Variants in KCNN2 observed in about 807,000 individuals in gnomAD.
The protein encoded by KCNN2 is small conductance calcium-activated potassium channel protein 2.
Under a neutral mutation model 55.5 loss-of-function variants are expected in KCNN2, and 24 were observed. The observed-to-expected ratio is 0.43, with a 90% CI of 0.31 to 0.61. KCNN2 has a LOEUF of 0.61. Ranked by LOEUF, KCNN2 falls within the 20% of genes least tolerant of loss-of-function variation. The pLI, the probability that KCNN2 is intolerant of heterozygous loss-of-function variation, is 0.08. For missense variants in KCNN2, 754 were observed against 853.6 expected, an observed-to-expected ratio of 0.88 and a Z score of 1.45; for synonymous variants, 431 against 336.1, an observed-to-expected ratio of 1.28 and a Z score of -3.09.
intron 3 of KCNN2, among the ~76,000 whole-genome samples, chr5:114,405,178 G>A (rs998801585): frequency 6.6e-6 from 1 of 152,188 alleles, no homozygotes; most frequent in Admixed American, 6.5e-5. Context: ...GTAATATTGA[G>A]TCATTTCTGT....
rs73782231 is a variant in KCNN2 at position 114,401,328 on chromosome 5, T to G, written c.1219-3110T>G. ...TGGACTCTATGGAACTGCAAAATTA[T>G]GCTGCTGCAATGACTTATTATTTAG... is the stretch of plus-strand genomic sequence containing the variant. On this transcript the variant is annotated intron_variant, in intron 2 of 7. Transcript: ENST00000673685. 1.4e-3 allele frequency among the ~76,000 whole-genome samples: 210 copies of G among 152,334 alleles called. 2 individuals carry two copies. The highest frequency in any genetic ancestry group is 4.9e-3 in the African/African-American group (203 of 41,578).
In KCNN2 at chr5:114,368,546, A is replaced by G. The variant is rs181843418; in HGVS notation, c.1218+4545A>G. On this transcript the variant is annotated intron_variant, in intron 2 of 7. Coordinates refer to ENST00000673685, the MANE Select transcript of KCNN2 (RefSeq NM_021614.4). ...TTTGCTATGTGAAGGCTCAAGTCTGAAGAAGAAAGACAGAGTGTTCCCTTT... is the reference window on the plus strand; with the variant it reads ...TTTGCTATGTGAAGGCTCAAGTCTGGAGAAGAAAGACAGAGTGTTCCCTTT... Among the ~76,000 whole-genome samples the G allele has an allele frequency of 7.9e-4, 121 of 152,276 alleles. 1 individual carries two copies. Among genetic ancestry groups the G allele is most frequent in the African/African-American group, 2.3e-3 (94 of 41,554 alleles).
intron 1 of KCNN2, among the ~76,000 whole-genome samples, chr5:114,200,934 G>A (rs1302255787): frequency 1.3e-5 from 2 of 152,038 alleles, no homozygotes; most frequent in African/African-American, 4.8e-5. Flanking sequence ...CCTGTTTTTA[G>A]GCTCAGAGGA....
At chr5:114,424,150 T>G (rs1759549905) in intron 3 of KCNN2, among the ~76,000 whole-genome samples, 1 of 152,234 alleles carries the variant, frequency 6.6e-6, no homozygotes, top group South Asian at 2.1e-4. Context: ...TCTTAAATAC[T>G]TTGACTTACC....
chr5:114,153,551 T>G (rs1224795412), intron 1 of KCNN2, among the ~76,000 whole-genome samples: 2 of 152,188 alleles, frequency 1.3e-5, no homozygotes, highest in African/African-American at 4.8e-5. Context: ...GTTTCTTGTG[T>G]CTGTTTCCCA....
chr5:114,282,686 T>C (rs1221263518), intron 2 of KCNN2, among the ~76,000 whole-genome samples: 1 of 152,124 alleles, frequency 6.6e-6, no homozygotes, highest in East Asian at 1.9e-4. Context: ...GTTGGTATCA[T>C]AAAATAAGGA....
At chr5:114,344,446 T>C (rs755531998) in intron 2 of KCNN2, among the ~76,000 whole-genome samples, 1 of 152,226 alleles carries the variant, frequency 6.6e-6, no homozygotes, top group Non-Finnish European at 1.5e-5. Context: ...AAAGCATCCA[T>C]GTGTGACAAT....
chr5:114,264,843 C>T (rs1198435742), intron 2 of KCNN2, among the ~76,000 whole-genome samples: 1 of 152,214 alleles, frequency 6.6e-6, no homozygotes, highest in Middle Eastern at 3.2e-3. Context: ...CCTTGCCTTC[C>T]AGTCCCAGGA....
chr5:114,253,368 G>A (rs1052679280), intron 2 of KCNN2: 3 of 152,066 alleles, frequency 2.0e-5, no homozygotes, highest in African/African-American at 7.2e-5. Flanking sequence ...TTTCTACCTG[G>A]GTAGACAGAA....
chr5:114,070,564 C>T (rs574663566), intron 1 of KCNN2, among the ~76,000 whole-genome samples: 1 of 152,348 alleles, frequency 6.6e-6, no homozygotes, highest in African/African-American at 2.4e-5. Flanking sequence ...GTGAACCCCT[C>T]ACAGAGCGGG....
At chr5:114,371,166 C>T (rs35034959) in intron 2 of KCNN2, among the ~76,000 whole-genome samples, 6 of 152,070 alleles carry the variant, frequency 3.9e-5, no homozygotes, top group African/African-American at 1.4e-4. Context: ...AGGGAAGACT[C>T]AAATTGAGGA....
chr5:114,202,586 T>TATATATATATA (rs1554074534), intron 1 of KCNN2, among the ~76,000 whole-genome samples: 35 of 66,956 alleles, frequency 5.2e-4, no homozygotes, highest in African/African-American at 1.9e-3. Flanking sequence ...TATATATATA[T>TATATATATATA]TTTTTTTTTT....
intron 1 of KCNN2, among the ~76,000 whole-genome samples, chr5:114,168,854 G>A (rs1331576964): frequency 1.3e-5 from 2 of 152,078 alleles, no homozygotes; most frequent in East Asian, 3.9e-4. Context: ...CAAGGAAGGT[G>A]TTTCTCTATG....
intron 1 of KCNN2, among the ~76,000 whole-genome samples, chr5:114,114,253 A>G (rs537534141): frequency 1.3e-5 from 2 of 152,188 alleles, no homozygotes; most frequent in East Asian, 1.9e-4. Context: ...TTTTAGAGAC[A>G]GGTCTCACTC....
chr5:114,065,341 C>A (rs1750423613), intron 1 of KCNN2, among the ~76,000 whole-genome samples: 2 of 152,158 alleles, frequency 1.3e-5, no homozygotes, highest in African/African-American at 4.8e-5. Flanking sequence ...CACCATGCCA[C>A]ACAATATGTT....
At chr5:114,478,919 A>C (rs1004621609) in intron 5 of KCNN2, among the ~76,000 whole-genome samples, 1 of 152,192 alleles carries the variant, frequency 6.6e-6, no homozygotes, top group Non-Finnish European at 1.5e-5. Flanking sequence ...GGAAAGGAAA[A>C]GCCGTTACCA....
chr5:114,123,144 G>GTT (rs200637293), intron 1 of KCNN2, among the ~76,000 whole-genome samples: 4 of 151,714 alleles, frequency 2.6e-5, no homozygotes, highest in African/African-American at 9.7e-5. Context: ...CTGAGGCAGT[G>GTT]TTTTTTTTGC....
rs542825199 is a variant in KCNN2 at position 114,057,964 on chromosome 5, C to T, written c.-271+1464C>T. Among the ~76,000 whole-genome samples, 43 of 152,202 alleles carry T rather than the reference C, an allele frequency of 2.8e-4. No homozygotes were observed. The South Asian group carries it at 7.5e-3, about 26-fold the overall frequency. ...AAACATTGCTGATGGGAGTATGAAT[C>T]GTACAATGACTTTGGAAAACAGTTT... On this transcript the variant is annotated intron_variant, in intron 1 of 10. Transcript: ENST00000512097.
intron 5 of KCNN2, among the ~76,000 whole-genome samples, chr5:114,483,713 C>CTGTGTGTGTGTGTGTGTGTGTG (rs3070952): frequency 6.7e-6 from 1 of 148,234 alleles, no homozygotes; most frequent in Admixed American, 6.7e-5. Context: ...TATTTTTCAA[C>CTGTGTGTGTGTGTGTGTGTGTG]TGTGTGTGTG....
Sources: allele counts gnomAD v4.1 joint callset (sites outside exome capture counted in the v4.1 genomes callset), GRCh38; gene constraint gnomAD v4.1.1; transcripts MANE v1.5; gene names NCBI Gene and HGNC (gene_info 2026-07-23, HGNC 2026-07-21).